Variants in PRKN observed in about 807,000 individuals in gnomAD.
PRKN encodes E3 ubiquitin-protein ligase parkin.
Under a neutral mutation model 59.5 loss-of-function variants are expected in PRKN, and 56 were observed. That is an observed-to-expected ratio of 0.94 (90% CI 0.76 to 1.18). The LOEUF (loss-of-function observed/expected upper bound fraction) is 1.18. Among genes scored for constraint, PRKN ranks in the 50% most tolerant of loss-of-function variants. The pLI, the probability that PRKN is intolerant of heterozygous loss-of-function variation, is 0.00. For synonymous variants in PRKN, 250 were observed against 222.1 expected (o/e 1.13, Z -1.12); for missense variants, 657 against 596.4 (o/e 1.10, Z -1.06).
At chr6:162,115,378 G>A (rs546335964) in intron 4 of PRKN, among the ~76,000 whole-genome samples, 4 of 151,962 alleles carry the variant, frequency 2.6e-5, no homozygotes, top group South Asian at 2.1e-4. Context: ...ATAGCACTGG[G>A]AAATATACCT....
chr6:162,031,221 C>T (rs1032970956), intron 5 of PRKN, among the ~76,000 whole-genome samples: 19 of 151,846 alleles, frequency 1.3e-4, no homozygotes, highest in Middle Eastern at 3.4e-3. Context: ...TCTGCACACA[C>T]CTTTCCAAGG....
At chr6:162,676,692 A>G (rs2849533) in intron 1 of PRKN, among the ~76,000 whole-genome samples, 138,329 of 152,268 alleles carry the variant, frequency 0.91, 62,993 homozygotes, top group East Asian at 0.98. Context: ...AGTTACTGAC[A>G]ACAGAATGTG....
chr6:162,118,755 C>G (rs188915065), intron 4 of PRKN, among the ~76,000 whole-genome samples: 10 of 152,302 alleles, frequency 6.6e-5, no homozygotes, highest in Non-Finnish European at 1.2e-4. Flanking sequence ...AAAAAGCCTA[C>G]GATTCTCTGA....
chr6:162,105,599 C>T (rs887269256), intron 4 of PRKN, among the ~76,000 whole-genome samples: 3 of 152,100 alleles, frequency 2.0e-5, no homozygotes, highest in Non-Finnish European at 4.4e-5. Flanking sequence ...GGGGTTTCAC[C>T]ACCTTGGCCA....
intron 7 of PRKN, among the ~76,000 whole-genome samples, chr6:161,616,017 G>T (rs867525734): frequency 6.6e-6 from 1 of 152,088 alleles, no homozygotes; most frequent in African/African-American, 2.4e-5. Flanking sequence ...AGGGTCTCCC[G>T]TCTCTCTTCT....
chr6:161,583,813 C>A (rs1781431120), intron 7 of PRKN, among the ~76,000 whole-genome samples: 1 of 152,178 alleles, frequency 6.6e-6, no homozygotes, highest in Non-Finnish European at 1.5e-5. Context: ...TTTTTAATGG[C>A]TACGCACCTT....
intron 1 of PRKN, among the ~76,000 whole-genome samples, chr6:162,462,675 C>T (rs1791230301): frequency 6.6e-6 from 1 of 152,118 alleles, no homozygotes; most frequent in African/African-American, 2.4e-5. Context: ...CAATAGACGG[C>T]TGCTTACTTC....
At chr6:161,411,900 TCCAC>T (rs1787564801) in intron 9 of PRKN, among the ~76,000 whole-genome samples, 2 of 147,218 alleles carry the variant, frequency 1.4e-5, no homozygotes, top group Admixed American at 6.7e-5. Flanking sequence ...CATTCATTCC[TCCAC>T]TCACTCATTC....
rs1411950066 is a variant in PRKN at position 161,442,621 on chromosome 6, C to T, written c.1084-55744G>A. 6.6e-6 allele frequency among the ~76,000 whole-genome samples: 1 copy of T among 152,170 alleles called. No individual in the cohort carries two copies. The highest frequency in any genetic ancestry group is 1.5e-5 in the Non-Finnish European group (1 of 68,032). Reference sequence around the variant, plus strand: ...AGGTGGCGACCTGGACCAAGGGTGGCCTTCGCTGTCTTGGACTGGACGGGC... The same window carrying T: ...AGGTGGCGACCTGGACCAAGGGTGGTCTTCGCTGTCTTGGACTGGACGGGC... On this transcript the variant is annotated intron_variant, in intron 9 of 11. Transcript: ENST00000366898. This position sits in a 1 kb window ranked among gnomAD's most constrained non-coding sequence, Gnocchi z 4.6.
chr6:161,458,503 A>T lies in PRKN; in HGVS notation c.1084-71626T>A, dbSNP rs1019794501. 8.5e-5 allele frequency among the ~76,000 whole-genome samples: 13 copies of T among 152,208 alleles called. No individual in the cohort carries two copies. Among genetic ancestry groups the T allele is most frequent in the Non-Finnish European group, 1.6e-4 (11 of 68,042 alleles). On this transcript the variant is annotated intron_variant, in intron 9 of 11. Coordinates refer to ENST00000366898, the MANE Select transcript of PRKN (RefSeq NM_004562.3). The surrounding 1 kb of genome is among the most constrained non-coding windows in gnomAD (Gnocchi z 6.1). ...AAAATGTCTGCATGCTGTTTACTGC[A>T]GAGCCAGTGTTTGAACCAAATGCTC... is the stretch of plus-strand genomic sequence containing the variant.
chr6:162,686,038 T>C (rs994469304), intron 1 of PRKN, among the ~76,000 whole-genome samples: 1 of 152,158 alleles, frequency 6.6e-6, no homozygotes, highest in Admixed American at 6.5e-5. Context: ...AGGACTCCTT[T>C]CAAGCCTTTT....
At chr6:161,922,197 G>A (rs1778809965) in intron 6 of PRKN, among the ~76,000 whole-genome samples, 1 of 152,190 alleles carries the variant, frequency 6.6e-6, no homozygotes, top group Admixed American at 6.5e-5. Context: ...GAAATTGGCA[G>A]AGTGTCAACT....
intron 3 of PRKN, among the ~76,000 whole-genome samples, chr6:162,250,610 A>G (rs919442703): frequency 3.9e-5 from 6 of 152,312 alleles, no homozygotes; most frequent in East Asian, 1.9e-4. Context: ...CCCTTCACTT[A>G]TATCAACCCA....
intron 6 of PRKN, among the ~76,000 whole-genome samples, chr6:161,908,052 T>C (rs1383002737): frequency 6.6e-6 from 1 of 151,996 alleles, no homozygotes; most frequent in Non-Finnish European, 1.5e-5. Flanking sequence ...CACTCCAGCC[T>C]GGGTGACAAA....
At chr6:162,683,736 A>C (rs1779857438) in intron 1 of PRKN, among the ~76,000 whole-genome samples, 1 of 152,158 alleles carries the variant, frequency 6.6e-6, no homozygotes, top group Non-Finnish European at 1.5e-5. Context: ...TCTTTGTCTT[A>C]TAATAATCGG....
At chr6:162,265,403 C>A (rs1217078320) in intron 2 of PRKN, among the ~76,000 whole-genome samples, 1 of 152,130 alleles carries the variant, frequency 6.6e-6, no homozygotes, top group Non-Finnish European at 1.5e-5. Context: ...ATCAAAAGAA[C>A]ATCCCTGCCA....
At chr6:162,055,466 G>A (rs1333680065) in intron 4 of PRKN, among the ~76,000 whole-genome samples, 1 of 152,170 alleles carries the variant, frequency 6.6e-6, no homozygotes, top group Non-Finnish European at 1.5e-5. Flanking sequence ...TTCAGGAAAT[G>A]ATCAGATGCC....
chr6:162,352,939 C>T (rs1258212202), intron 2 of PRKN, among the ~76,000 whole-genome samples: 3 of 152,092 alleles, frequency 2.0e-5, no homozygotes, highest in African/African-American at 7.2e-5. Context: ...AGCGTGCTTA[C>T]TTTAAAACAA....
chr6:162,258,179 C>T lies in PRKN; in HGVS notation c.412+4346G>A, dbSNP rs545398769. On this transcript the variant is annotated intron_variant, in intron 3 of 11. Transcript: ENST00000366898. The stretch of plus-strand genomic sequence containing the variant: ...GAACTCCCCACCAATACTCTTTGTC[C>T]CCTTGACTCTGCTGTTTCTCGATAG... Among the ~76,000 whole-genome samples the T allele has an allele frequency of 1.8e-4, 27 of 152,266 alleles. 1 individual carries two copies. The highest frequency in any genetic ancestry group is 2.9e-4 in the Non-Finnish European group (20 of 68,012).
Sources: allele counts gnomAD v4.1 joint callset (sites outside exome capture counted in the v4.1 genomes callset), GRCh38; gene constraint gnomAD v4.1.1; non-coding constraint Gnocchi (gnomAD v3.1); transcripts MANE v1.5; gene names NCBI Gene and HGNC (gene_info 2026-07-23, HGNC 2026-07-21).